The following ZNF609 variants were observed in gnomAD, a reference collection of about 807,000 sequenced individuals.
ZNF609 encodes zinc finger protein 609.
A neutral mutation model predicts 109.5 loss-of-function variants in ZNF609; 11 were observed. The ratio of observed to expected loss-of-function variants is 0.10; its 90% CI spans 0.06 to 0.17. The LOEUF (loss-of-function observed/expected upper bound fraction) is 0.17. Among genes scored for constraint, ZNF609 ranks in the 10% least tolerant of loss-of-function variants. ZNF609 has a pLI of 1.00. For synonymous variants in ZNF609, 646 were observed against 662.0 expected, an observed-to-expected ratio of 0.98 and a Z score of 0.37; for missense variants, 1,559 against 1,772.4, an observed-to-expected ratio of 0.88 and a Z score of 2.16.
chr15:64,559,395 AG>A (rs753250300), intron 2 of ZNF609, among the ~76,000 whole-genome samples: 2 of 152,204 alleles, frequency 1.3e-5, no homozygotes, highest in Non-Finnish European at 2.9e-5. Flanking sequence ...GCAGCAACCA[AG>A]GGGAAAGGAA....
At chr15:64,597,269 C>A (rs1036445187) in intron 2 of ZNF609, among the ~76,000 whole-genome samples, 1 of 152,106 alleles carries the variant, frequency 6.6e-6, no homozygotes, top group African/African-American at 2.4e-5. Flanking sequence ...CAGACGGGCA[C>A]TTTTCCTCCT....
Position 64,675,560 on chromosome 15 carries a change from T to C in ZNF609, c.2706T>C (p.Ser902=), listed in dbSNP as rs773849472. 2.5e-6 allele frequency: 4 copies of C among 1,614,144 alleles called. No homozygotes were observed. Among genetic ancestry groups the C allele is most frequent in the Non-Finnish European group, 3.4e-6 (4 of 1,180,032 alleles). Residue 902 remains serine, a synonymous_variant, in exon 5 of 10, where the codon AGT becomes AGC. Transcript: ENST00000326648. The part of the protein sequence containing the change: ...YQGFESYYSP[S]YAQSSPGALN... ...GCTTTGAGAGTTACTATTCTCCAAGTTATGCACAGTCCAGCCCTGGGGCTC... is the reference window on the plus strand; with the variant it reads ...GCTTTGAGAGTTACTATTCTCCAAGCTATGCACAGTCCAGCCCTGGGGCTC...
intron 2 of ZNF609, among the ~76,000 whole-genome samples, chr15:64,547,721 G>C (rs897398001): frequency 6.6e-6 from 1 of 151,386 alleles, no homozygotes; most frequent in South Asian, 2.1e-4. Context: ...TTAGTGCTTG[G>C]GATACATCAG....
At chr15:64,616,514 CTTTT>C (rs56145140) in intron 2 of ZNF609, among the ~76,000 whole-genome samples, 2 of 66,952 alleles carry the variant, frequency 3.0e-5, no homozygotes, top group Non-Finnish European at 5.6e-5. Context: ...AAACTGATAT[CTTTT>C]TTTTTTTTTT....
chr15:64,626,445 A>G (rs1452796612), intron 3 of ZNF609, among the ~76,000 whole-genome samples: 1 of 152,160 alleles, frequency 6.6e-6, no homozygotes, highest in Non-Finnish European at 1.5e-5. Context: ...AAATTCTTCC[A>G]GACTTCTAGG....
chr15:64,617,623 T>C (rs1408406319), intron 2 of ZNF609, among the ~76,000 whole-genome samples: 1 of 139,942 alleles, frequency 7.1e-6, no homozygotes, highest in Non-Finnish European at 1.6e-5. Flanking sequence ...CTACTAAAAA[T>C]AGAAAAATTA....
intron 2 of ZNF609, among the ~76,000 whole-genome samples, chr15:64,600,407 G>A (rs35014128): frequency 0.011 from 1,501 of 137,646 alleles, 12 homozygotes; most frequent in Non-Finnish European, 0.016. Flanking sequence ...CAGAGAATGC[G>A]CCACTGCACT....
At chr15:64,546,450 G>A (rs532094327) in intron 2 of ZNF609, among the ~76,000 whole-genome samples, 1 of 135,000 alleles carries the variant, frequency 7.4e-6, no homozygotes, top group East Asian at 2.1e-4. Flanking sequence ...TTTTTTTTTT[G>A]GAGATGGTGC....
chr15:64,499,569 A>T lies in ZNF609; in HGVS notation c.150A>T (p.Glu50Asp), dbSNP rs1893529743. 1 of 1,614,040 alleles carries T rather than the reference A, an allele frequency of 6.2e-7. No homozygotes were observed. Among genetic ancestry groups the T allele is most frequent in the African/African-American group, 1.3e-5 (1 of 74,912 alleles). ...TGGAAAAGGACCAGCAGAAACTGGA[A>T]ATGTCAGGCTCAAAGGAGGTGGGGA... ...ADLEKDQQKL[E>D]MSGSKEVGIP... Residue 50 changes from glutamate (E) to aspartate (D), a missense_variant, in exon 2 of 10, where the codon GAA becomes GAT. Glu to Asp is a conservative substitution (Grantham distance 45). Coordinates refer to ENST00000326648, the MANE Select transcript of ZNF609 (RefSeq NM_015042.2).
At chr15:64,574,234 G>C (rs544604176) in intron 2 of ZNF609, among the ~76,000 whole-genome samples, 6 of 115,156 alleles carry the variant, frequency 5.2e-5, no homozygotes, top group African/African-American at 2.3e-4. Context: ...CTTTCTCTCT[G>C]AGAAGTTTTT....
Position 64,683,818 on chromosome 15 carries a change from A to G in ZNF609, c.*2132A>G, listed in dbSNP as rs1219214031. On this transcript the variant is annotated 3_prime_UTR_variant, in exon 10 of 10. Coordinates refer to ENST00000326648, the MANE Select transcript of ZNF609 (RefSeq NM_015042.2). The stretch of plus-strand genomic sequence containing the variant: ...GGCACTGGCCTGCAGCATACTCTGT[A>G]TATATTGTAAAGAAACCGTTAGGAG... The G allele has an allele frequency of 1.3e-5, 2 of 152,170 alleles. No individual in the cohort carries two copies. The highest frequency in any genetic ancestry group is 2.9e-5 in the Non-Finnish European group (2 of 68,038). 9.4% of individuals were successfully genotyped at this position (152,170 alleles called of 1,614,324 possible).
intron 2 of ZNF609, among the ~76,000 whole-genome samples, chr15:64,566,595 A>G (rs963040893): frequency 6.6e-6 from 1 of 152,224 alleles, no homozygotes; most frequent in African/African-American, 2.4e-5. Flanking sequence ...TTAGCTAAAC[A>G]CTAGTTAGGA....
intron 2 of ZNF609, chr15:64,529,361 G>A (rs1212964501): frequency 1.4e-6 from 1 of 732,004 alleles, no homozygotes; most frequent in Admixed American, 1.7e-5. Context: ...TCTCCATGGT[G>A]GTGAAGACAC....
At chr15:64,487,329 G>A (rs1231189241) in intron 1 of ZNF609, among the ~76,000 whole-genome samples, 2 of 152,006 alleles carry the variant, frequency 1.3e-5, no homozygotes, top group South Asian at 2.1e-4. Context: ...TTAGGATCAG[G>A]ACTATGTTAT....
chr15:64,663,853 GT>G (rs1171991291), intron 3 of ZNF609, among the ~76,000 whole-genome samples: 1 of 152,136 alleles, frequency 6.6e-6, no homozygotes, highest in Non-Finnish European at 1.5e-5. Context: ...CTACACAAAT[GT>G]TTTGAGGTTT....
At chr15:64,679,828 G>C (rs1456103247) in intron 6 of ZNF609, among the ~76,000 whole-genome samples, 1 of 152,174 alleles carries the variant, frequency 6.6e-6, no homozygotes, top group African/African-American at 2.4e-5. Context: ...AGGTTACCAA[G>C]CTAGTAAGTC....
At chr15:64,594,582 C>T (rs997302204) in intron 2 of ZNF609, among the ~76,000 whole-genome samples, 3 of 151,846 alleles carry the variant, frequency 2.0e-5, no homozygotes, top group Admixed American at 6.6e-5. Context: ...AAGCAGTCTG[C>T]CTGCCTCAGC....
chr15:64,576,603 A>G (rs939644527), intron 2 of ZNF609, among the ~76,000 whole-genome samples: 3 of 152,106 alleles, frequency 2.0e-5, no homozygotes, highest in African/African-American at 7.2e-5. Flanking sequence ...GATAGAGGAA[A>G]GATGAAATTC....
chr15:64,534,262 C>T (rs1033757181), intron 2 of ZNF609, among the ~76,000 whole-genome samples: 1 of 151,968 alleles, frequency 6.6e-6, no homozygotes, highest in Non-Finnish European at 1.5e-5. Context: ...CCACCCACCT[C>T]GGCCTCCCAA....
Sources: allele counts gnomAD v4.1 joint callset (sites outside exome capture counted in the v4.1 genomes callset), GRCh38; gene constraint gnomAD v4.1.1; transcripts MANE v1.5; gene names NCBI Gene and HGNC (gene_info 2026-07-23, HGNC 2026-07-21).